Variants in DPP8 observed in about 807,000 individuals in gnomAD.
The protein encoded by DPP8 is DPP VIII.
In DPP8, 31 loss-of-function variants were observed where a neutral mutation model predicts 107.5. The observed-to-expected ratio is 0.29, with a 90% CI of 0.22 to 0.39. The LOEUF is 0.39. DPP8 is among the 10% of genes least tolerant of loss of function. DPP8 has a pLI of 1.00. For synonymous variants in DPP8, 381 were observed against 356.6 expected (o/e 1.07, Z -0.77); for missense variants, 842 against 1,076.1 (o/e 0.78, Z 3.04).
At chr15:65,506,779 A>G (rs955037099) in intron 3 of DPP8, among the ~76,000 whole-genome samples, 2 of 150,434 alleles carry the variant, frequency 1.3e-5, no homozygotes, top group Non-Finnish European at 3.0e-5. Flanking sequence ...AGAAAAAATA[A>G]AGATAAAATA....
intron 14 of DPP8, 22 bp from the exon 15 acceptor site, chr15:65,463,928 G>A: frequency 6.6e-7 from 1 of 1,521,612 alleles, no homozygotes; most frequent in South Asian, 1.3e-5. Flanking sequence ...TAACATAACA[G>A]AGTCTACAAA....
At chr15:65,499,103 G>A (rs867912404) in intron 4 of DPP8, among the ~76,000 whole-genome samples, 41 of 130,058 alleles carry the variant, frequency 3.2e-4, no homozygotes, top group African/African-American at 1.3e-3. Flanking sequence ...GTGTGTGTGT[G>A]TGTATATATA....
intron 6 of DPP8, among the ~76,000 whole-genome samples, chr15:65,488,913 ACT>A (rs1412032234): frequency 6.6e-6 from 1 of 151,726 alleles, no homozygotes; most frequent in Non-Finnish European, 1.5e-5. Context: ...TGTTTAACAG[ACT>A]CTCTAGTCAA....
chr15:65,456,091 C>CAA, intron 16 of DPP8, 134 bp downstream of exon 16: 3 of 1,113,674 alleles, frequency 2.7e-6, no homozygotes, highest in Non-Finnish European at 2.5e-6. Flanking sequence ...CTCCCACCCC[C>CAA]AAACTCTAAC....
intron 2 of DPP8, among the ~76,000 whole-genome samples, chr15:65,510,570 GCT>G (rs1329662635): frequency 1.3e-5 from 2 of 151,474 alleles, no homozygotes; most frequent in Non-Finnish European, 2.9e-5. Context: ...ACGAAGTCTC[GCT>G]CTGTCATCCA....
intron 4 of DPP8, among the ~76,000 whole-genome samples, chr15:65,498,291 G>T (rs1350887841): frequency 6.6e-6 from 1 of 151,978 alleles, no homozygotes; most frequent in Non-Finnish European, 1.5e-5. Flanking sequence ...GCATAGTGGT[G>T]GGCACCTGTA....
intron 12 of DPP8, among the ~76,000 whole-genome samples, chr15:65,472,991 T>C (rs1285512717): frequency 2.0e-5 from 3 of 151,786 alleles, no homozygotes; most frequent in Non-Finnish European, 2.9e-5. Flanking sequence ...TGAGCCAAGA[T>C]TGTGCCACTG....
Position 65,512,483 on chromosome 15 carries a change from A to G in DPP8, c.71T>C (p.Ile24Thr), listed in dbSNP as rs766232354. 2.9e-5 allele frequency: 47 copies of G among 1,614,014 alleles called. No individual in the cohort carries two copies. The East Asian group carries it at 8.2e-4, about 28-fold the overall frequency. The change falls in exon 2 of 20, where the codon ATT becomes ACT. Residue 24 changes from isoleucine (I) to threonine (T), a missense_variant. Physicochemically the swap from Ile to Thr is moderately conservative, Grantham distance 89. Around this residue, in one of 2 missense-constraint regions of DPP8, gnomAD observed 663 missense variants for 758.0 expected, o/e 0.87. Transcript: ENST00000300141. The stretch of plus-strand genomic sequence containing the variant: ...CAATTTAGGCCGATCCTGTGATTCA[A>G]TATTCTCCTCACAGTCCGCAGTTTC... ...IFETADCEEN[I>T]ESQDRPKLEP...
At chr15:65,448,728 T>A (rs1181040336) in intron 19 of DPP8, among the ~76,000 whole-genome samples, 1 of 122,708 alleles carries the variant, frequency 8.1e-6, no homozygotes, top group Non-Finnish European at 1.6e-5. Flanking sequence ...ATATATAAAA[T>A]ATACATATAT....
At chr15:65,466,384 C>T (rs1333995678) in intron 14 of DPP8, among the ~76,000 whole-genome samples, 3 of 152,132 alleles carry the variant, frequency 2.0e-5, no homozygotes, top group African/African-American at 4.8e-5. Context: ...GTGATCCACC[C>T]GCCTTGGTCT....
At chr15:65,465,160 G>GT (rs1401387102) in intron 14 of DPP8, among the ~76,000 whole-genome samples, 9 of 139,826 alleles carry the variant, frequency 6.4e-5, no homozygotes, top group Admixed American at 4.3e-4. Flanking sequence ...GTACTAATTT[G>GT]TTTTTTCTTT....
At chr15:65,516,625 C>T (rs1244518979) in intron 1 of DPP8, 1 of 152,170 alleles carries the variant, frequency 6.6e-6, no homozygotes, top group African/African-American at 2.4e-5. Flanking sequence ...AGCACTAAGC[C>T]CCTCACTCAG....
chr15:65,457,244 C>G (rs572631260), intron 15 of DPP8, among the ~76,000 whole-genome samples: 16 of 152,140 alleles, frequency 1.1e-4, no homozygotes, highest in African/African-American at 3.6e-4. Flanking sequence ...ATCCCAGTCA[C>G]TCGGGAGGCA....
intron 14 of DPP8, among the ~76,000 whole-genome samples, chr15:65,465,691 G>C (rs769346647): frequency 2.6e-5 from 4 of 151,766 alleles, no homozygotes; most frequent in Non-Finnish European, 4.4e-5. Flanking sequence ...GAGTAGCTGG[G>C]ACTACAGGCG....
chr15:65,512,504 G>GTTTCAAA lies in DPP8; in HGVS notation c.43_49dup (p.Thr17IlefsTer2), dbSNP rs1567303973. 1 of 1,614,090 alleles carries GTTTCAAA rather than the reference G, an allele frequency of 6.2e-7. No individual in the cohort carries two copies. Among genetic ancestry groups the GTTTCAAA allele is most frequent in the Non-Finnish European group, 8.5e-7 (1 of 1,180,012 alleles). ...TTCAATATTCTCCTCACAGTCCGCA[G>GTTTCAAA]TTTCAAATATCTCAACACCCAGCTG... On this transcript the variant is annotated stop_gained and frameshift_variant, in exon 2 of 20. Transcript: ENST00000300141. LOFTEE classifies it high-confidence loss of function.
At chr15:65,492,588 T>G (rs549534468) in intron 5 of DPP8, among the ~76,000 whole-genome samples, 2 of 152,236 alleles carry the variant, frequency 1.3e-5, no homozygotes, top group East Asian at 3.9e-4. Flanking sequence ...TATCTCATAG[T>G]GACTTTAATT....
chr15:65,497,725 C>T, intron 5 of DPP8, 139 bp downstream of exon 5: 1 of 564,572 alleles, frequency 1.8e-6, no homozygotes, highest in Non-Finnish European at 2.8e-6. Context: ...TACTTTTCTC[C>T]ATTTTTTAAA....
chr15:65,475,373 G>A (rs966858893), intron 11 of DPP8: 10 of 1,452,366 alleles, frequency 6.9e-6, no homozygotes, highest in African/African-American at 1.4e-5. Context: ...GGAGGAACAG[G>A]AGAACTGGCT....
Position 65,445,696 on chromosome 15 carries a change from C to T in DPP8, c.*1188G>A, listed in dbSNP as rs949236491. On this transcript the variant is annotated 3_prime_UTR_variant, in exon 20 of 20. Coordinates refer to ENST00000300141, the MANE Select transcript of DPP8 (RefSeq NM_130434.5). ...AGTTTAAATTTGTAAGATTTCTAAA[C>T]CTAAGAGGAAAAAAAAAAAGAATTA... 6.6e-6 allele frequency: 1 copy of T among 151,812 alleles called. No individual in the cohort carries two copies. Among genetic ancestry groups the T allele is most frequent in the Non-Finnish European group, 1.5e-5 (1 of 67,618 alleles). 9.4% of individuals were successfully genotyped at this position (151,812 alleles called of 1,614,324 possible).
Sources: gnomAD v4.1 joint callset for allele counts (sites outside exome capture counted in the v4.1 genomes callset) on GRCh38, gnomAD v4.1.1 for gene constraint, gnomAD v4.1.1 regional missense constraint, MANE v1.5 for transcripts, NCBI Gene and HGNC (gene_info 2026-07-23, HGNC 2026-07-21) for gene names.